The following TSNARE1 variants were observed in gnomAD, a reference collection of about 807,000 sequenced individuals.
The protein encoded by TSNARE1 is t-SNARE domain-containing protein 1.
In TSNARE1, 49 loss-of-function variants were observed where a neutral mutation model predicts 62.0. That is an observed-to-expected ratio of 0.79 (90% CI 0.63 to 1.00). TSNARE1 has a LOEUF of 1.00. Ranked by LOEUF, TSNARE1 falls within the 50% of genes least tolerant of loss-of-function variation. TSNARE1 has a pLI of 0.00. For synonymous variants in TSNARE1, 328 were observed against 294.4 expected (o/e 1.11, Z -1.17); for missense variants, 755 against 700.1 (o/e 1.08, Z -0.88).
intron 7 of TSNARE1, among the ~76,000 whole-genome samples, chr8:142,317,156 T>TG (rs1828662671): frequency 6.7e-6 from 1 of 149,018 alleles, no homozygotes; most frequent in Admixed American, 6.8e-5. Flanking sequence ...GAAGCGGGTA[T>TG]GGCCAGCGGC....
chr8:142,402,982 C>T, intron 1 of TSNARE1, 122 bp downstream of exon 1: 1 of 150,378 alleles, frequency 6.6e-6, no homozygotes, highest in East Asian at 2.0e-4. Flanking sequence ...CCGCAAGCCC[C>T]ATACCACGCC....
chr8:142,226,328 G>A (rs947740947), intron 13 of TSNARE1, among the ~76,000 whole-genome samples: 8 of 152,170 alleles, frequency 5.3e-5, no homozygotes, highest in Admixed American at 6.5e-5. Context: ...GCGCATACAT[G>A]CAGCCTGCGT....
chr8:142,256,743 G>A (rs114404878), intron 12 of TSNARE1, among the ~76,000 whole-genome samples: 114 of 152,304 alleles, frequency 7.5e-4, no homozygotes, highest in African/African-American at 2.6e-3. Flanking sequence ...CAATATGCTC[G>A]AAGTTGCACA....
At chr8:142,307,876 G>A (rs1435311921) in intron 9 of TSNARE1, among the ~76,000 whole-genome samples, 1 of 152,208 alleles carries the variant, frequency 6.6e-6, no homozygotes, top group Non-Finnish European at 1.5e-5. Context: ...CGCAGCCCAC[G>A]CCCGGCTTTT....
rs1468730619 is a variant in TSNARE1, at chr8:142,271,486, C to T, written c.1446+3295G>A. ...TCCTGGAGGGCAAGGGAGGTGCTGG[C>T]GCCGAAGAGGGCGGGGAAGGCTGGA... On this transcript the variant is annotated intron_variant, in intron 12 of 13. Transcript: ENST00000524325. The T allele has an allele frequency of 1.2e-5, 16 of 1,291,552 alleles. No homozygotes were observed. The Admixed American group carries it at 2.0e-4, about 16-fold the overall frequency. The allele number at this position is 1,291,552 out of a possible 1,614,324, so 80.0% of individuals were successfully genotyped here.
intron 2 of TSNARE1, among the ~76,000 whole-genome samples, chr8:142,349,367 G>T (rs1563966195): frequency 6.6e-6 from 1 of 152,112 alleles, no homozygotes; most frequent in African/African-American, 2.4e-5. Flanking sequence ...AACTAAAGCA[G>T]TTTCTAGGGA....
chr8:142,245,426 A>C (rs886602063), intron 12 of TSNARE1, among the ~76,000 whole-genome samples: 2 of 152,350 alleles, frequency 1.3e-5, no homozygotes, highest in Admixed American at 1.3e-4. Context: ...GCATCCATTG[A>C]GAGGAGAATG....
intron 13 of TSNARE1, among the ~76,000 whole-genome samples, chr8:142,221,964 T>A (rs13279346): frequency 1.3e-5 from 1 of 77,050 alleles, no homozygotes; most frequent in Non-Finnish European, 2.7e-5. Flanking sequence ...CACTCACTCA[T>A]CCACTCATCC....
chr8:142,321,117 C>A (rs1382339078), intron 6 of TSNARE1, among the ~76,000 whole-genome samples: 1 of 152,106 alleles, frequency 6.6e-6, no homozygotes, highest in African/African-American at 2.4e-5. Context: ...AACCAGAAAA[C>A]CCAAGACATG....
intron 12 of TSNARE1, among the ~76,000 whole-genome samples, chr8:142,250,436 C>T (rs1586847328): frequency 1.3e-5 from 2 of 152,152 alleles, no homozygotes; most frequent in Non-Finnish European, 1.5e-5. Context: ...CAAGCAGCGG[C>T]GTGGGGGCTG....
At chr8:142,372,492 A>G (rs1835983820) in intron 1 of TSNARE1, among the ~76,000 whole-genome samples, 1 of 152,166 alleles carries the variant, frequency 6.6e-6, no homozygotes, top group Non-Finnish European at 1.5e-5. Context: ...TGGAAGGATG[A>G]GAAGAGAAAC....
At chr8:142,398,722 T>A (rs866668615) in intron 1 of TSNARE1, among the ~76,000 whole-genome samples, 1 of 152,162 alleles carries the variant, frequency 6.6e-6, no homozygotes, top group South Asian at 2.1e-4. Context: ...ACATTACACA[T>A]CTCAGACAGC....
chr8:142,397,351 C>T (rs1048155823), intron 1 of TSNARE1, among the ~76,000 whole-genome samples: 32 of 152,210 alleles, frequency 2.1e-4, no homozygotes, highest in Non-Finnish European at 4.0e-4. Flanking sequence ...CTACACCCCT[C>T]AGGTGATGTC....
chr8:142,285,300 G>GTGGA (rs976683136), intron 10 of TSNARE1, among the ~76,000 whole-genome samples: 1 of 150,738 alleles, frequency 6.6e-6, no homozygotes, highest in Non-Finnish European at 1.5e-5. Context: ...GGATGGGTAG[G>GTGGA]TGGATGGATG....
At chr8:142,387,925 A>G (rs1288581296) in intron 1 of TSNARE1, among the ~76,000 whole-genome samples, 1 of 152,224 alleles carries the variant, frequency 6.6e-6, no homozygotes, top group Non-Finnish European at 1.5e-5. Context: ...TATAATGTTG[A>G]TATCACAACC....
chr8:142,281,776 C>T (rs1821520267), intron 11 of TSNARE1, among the ~76,000 whole-genome samples: 1 of 151,972 alleles, frequency 6.6e-6, no homozygotes, highest in Non-Finnish European at 1.5e-5. Context: ...GGCGGGGTCA[C>T]TGGGCACTGT....
At chr8:142,348,974 C>A (rs549909799) in intron 2 of TSNARE1, among the ~76,000 whole-genome samples, 17 of 152,328 alleles carry the variant, frequency 1.1e-4, no homozygotes, top group African/African-American at 4.1e-4. Flanking sequence ...GCTGACCCTA[C>A]ACCCATGGGG....
chr8:142,264,502 AAAC>A (rs1819039443), intron 12 of TSNARE1, among the ~76,000 whole-genome samples: 1 of 152,158 alleles, frequency 6.6e-6, no homozygotes, highest in African/African-American at 2.4e-5. Flanking sequence ...TCAATCTCTA[AAAC>A]AACGTGCTGA....
At chr8:142,340,141 G>A (rs187495744) in intron 4 of TSNARE1, among the ~76,000 whole-genome samples, 5 of 152,338 alleles carry the variant, frequency 3.3e-5, no homozygotes, top group Admixed American at 1.3e-4. Flanking sequence ...AGGCTGGGGC[G>A]CAGGGGTGGT....
Sources: allele counts gnomAD v4.1 joint callset (sites outside exome capture counted in the v4.1 genomes callset), GRCh38; gene constraint gnomAD v4.1.1; transcripts MANE v1.5; gene names NCBI Gene and HGNC (gene_info 2026-07-23, HGNC 2026-07-21).